CENPW: variants seen among roughly 807,000 people sequenced by gnomAD.
CENPW encodes the protein cancer-up-regulated gene 2 protein.
A neutral mutation model predicts 11.1 loss-of-function variants in CENPW; 3 were observed. That is an observed-to-expected ratio of 0.27 (90% CI 0.12 to 0.70). The LOEUF is 0.70. CENPW is among the 30% of genes least tolerant of loss of function. The pLI is 0.77. For missense variants in CENPW, 100 were observed against 105.6 expected (o/e 0.95, Z 0.23); for synonymous variants, 38 against 42.0 (o/e 0.91, Z 0.37).
the CENPW span, among the ~76,000 whole-genome samples, chr6:126,395,160 C>A: frequency 1.3e-5 from 2 of 152,040 alleles, no homozygotes; most frequent in East Asian, 3.9e-4. Context: ...GGAAATAACT[C>A]TTATATTTGC....
the CENPW span, among the ~76,000 whole-genome samples, chr6:126,422,201 G>A: frequency 6.6e-6 from 1 of 152,070 alleles, no homozygotes; most frequent in African/African-American, 2.4e-5. Flanking sequence ...GCCACTAACA[G>A]TATTTGCCAC....
chr6:126,406,209 T>TTATA, the CENPW span, among the ~76,000 whole-genome samples: 1 of 152,100 alleles, frequency 6.6e-6, no homozygotes, highest in Non-Finnish European at 1.5e-5. Context: ...ATTGAGAGGA[T>TTATA]TATATGGCTT....
chr6:126,471,359 T>C, the CENPW span, among the ~76,000 whole-genome samples: 25 of 152,148 alleles, frequency 1.6e-4, no homozygotes, highest in African/African-American at 5.1e-4. Context: ...TCTTCTGCCA[T>C]GATTGTAAGT....
the CENPW span, among the ~76,000 whole-genome samples, chr6:126,421,490 T>C: frequency 1.4e-3 from 212 of 152,258 alleles, no homozygotes; most frequent in Non-Finnish European, 1.1e-3. Context: ...TGTCATTTTA[T>C]TTACTTATTC....
At chr6:126,435,276 A>G in the CENPW span, among the ~76,000 whole-genome samples, 1 of 151,892 alleles carries the variant, frequency 6.6e-6, no homozygotes, top group Non-Finnish European at 1.5e-5. Context: ...AAGTGGAAAA[A>G]TATTTTTTTA....
chr6:126,376,832 G>T, the CENPW span, among the ~76,000 whole-genome samples: 1 of 152,152 alleles, frequency 6.6e-6, no homozygotes, highest in Non-Finnish European at 1.5e-5. Context: ...AAGGAGAGAA[G>T]AGCACAGAGG....
At chr6:126,351,972 A>T (rs1263159453), downstream of CENPW, among the ~76,000 whole-genome samples, 1 of 151,958 alleles carries the variant, frequency 6.6e-6, no homozygotes, top group Admixed American at 6.6e-5. Context: ...CTTCAAAATC[A>T]CCTGGAAGAT....
At chr6:126,415,626 G>C in the CENPW span, among the ~76,000 whole-genome samples, 1 of 152,132 alleles carries the variant, frequency 6.6e-6, no homozygotes, top group East Asian at 1.9e-4. Context: ...GGGACCTGGT[G>C]GGAAGTAATT....
At chr6:126,449,431 A>G in the CENPW span, among the ~76,000 whole-genome samples, 172 of 151,166 alleles carry the variant, frequency 1.1e-3, no homozygotes, top group Admixed American at 5.8e-3. Flanking sequence ...GAAAAAATGA[A>G]TGATCTCCTT....
the CENPW span, among the ~76,000 whole-genome samples, chr6:126,429,888 C>T: frequency 6.6e-6 from 1 of 152,126 alleles, no homozygotes; most frequent in African/African-American, 2.4e-5. Context: ...AAGTTATTTC[C>T]TCTCTTACAA....
chr6:126,439,026 A>G, the CENPW span, among the ~76,000 whole-genome samples: 2 of 151,744 alleles, frequency 1.3e-5, no homozygotes, highest in South Asian at 4.1e-4. Flanking sequence ...TATGCTTACA[A>G]GGAGAAAAAT....
the CENPW span, among the ~76,000 whole-genome samples, chr6:126,359,294 ATTTCT>A: frequency 4.0e-4 from 60 of 150,876 alleles, no homozygotes; most frequent in East Asian, 8.0e-3. Flanking sequence ...ACTTGATATG[ATTTCT>A]TTTCTTTTTT....
chr6:126,413,868 T>C, the CENPW span, among the ~76,000 whole-genome samples: 1 of 151,914 alleles, frequency 6.6e-6, no homozygotes, highest in Non-Finnish European at 1.5e-5. Context: ...TTAAAAGACA[T>C]AGACTAGCTG....
At chr6:126,377,022 T>C in the CENPW span, among the ~76,000 whole-genome samples, 1 of 152,198 alleles carries the variant, frequency 6.6e-6, no homozygotes, top group Non-Finnish European at 1.5e-5. Context: ...TTTCTTTAAT[T>C]AATTATTTCA....
At chr6:126,415,083 A>T in the CENPW span, among the ~76,000 whole-genome samples, 1 of 152,124 alleles carries the variant, frequency 6.6e-6, no homozygotes, top group Non-Finnish European at 1.5e-5. Context: ...GAATATTGAG[A>T]TTGAACCTGT....
At chr6:126,416,147 C>T in the CENPW span, among the ~76,000 whole-genome samples, 1 of 152,170 alleles carries the variant, frequency 6.6e-6, no homozygotes, top group Non-Finnish European at 1.5e-5. Flanking sequence ...TTGTTGGGAA[C>T]TGGAACAAAG....
chr6:126,436,611 T>G, the CENPW span, among the ~76,000 whole-genome samples: 1 of 151,810 alleles, frequency 6.6e-6, no homozygotes, highest in African/African-American at 2.4e-5. Flanking sequence ...AAGCACAATA[T>G]CAAGGATGAA....
At chr6:126,361,636 C>T in the CENPW span, among the ~76,000 whole-genome samples, 1 of 152,122 alleles carries the variant, frequency 6.6e-6, no homozygotes, top group Non-Finnish European at 1.5e-5. Flanking sequence ...CTGTGGTGGG[C>T]AGAGAGATGA....
At chr6:126,472,234 T>C in the CENPW span, among the ~76,000 whole-genome samples, 1 of 152,206 alleles carries the variant, frequency 6.6e-6, no homozygotes, top group African/African-American at 2.4e-5. Flanking sequence ...TATACACCCA[T>C]GAAAACCACA....
Sources: gnomAD v4.1 joint callset for allele counts (sites outside exome capture counted in the v4.1 genomes callset) on GRCh38, gnomAD v4.1.1 for gene constraint, MANE v1.5 for transcripts, NCBI Gene and HGNC (gene_info 2026-07-23, HGNC 2026-07-21) for gene names.